Variants in PAX2 observed in about 807,000 individuals in gnomAD.
The protein encoded by PAX2 is paired box 2, also known as paired box protein Pax-2.
Under a neutral mutation model 41.7 loss-of-function variants are expected in PAX2, and 9 were observed. The observed-to-expected ratio is 0.22, with a 90% CI of 0.13 to 0.38. The LOEUF (loss-of-function observed/expected upper bound fraction) is 0.38. PAX2 is among the 10% of genes least tolerant of loss of function. PAX2 has a pLI of 1.00. For missense variants in PAX2, 418 were observed against 531.6 expected (o/e 0.79, Z 2.10); for synonymous variants, 221 against 212.7 (o/e 1.04, Z -0.34).
rs1039787596 is a variant in PAX2, at chr10:100,827,669, A to C, written c.*50A>C. 6.2e-7 allele frequency: 1 copy of C among 1,612,430 alleles called. No individual in the cohort carries two copies. The highest frequency in any genetic ancestry group is 8.5e-7 in the Non-Finnish European group (1 of 1,179,408). ...TCAGGCCGACAGCTTCGGCCTCCAC[A>C]TCGTCCCCGTCTGACCCCACCCCGG... On this transcript the variant is annotated 3_prime_UTR_variant, in exon 10 of 10. Coordinates refer to ENST00000355243, the MANE Select transcript of PAX2 (RefSeq NM_000278.5). The surrounding 1 kb of genome is among the most constrained non-coding windows in gnomAD (Gnocchi z 8.5).
rs930836841 is a variant in PAX2 at position 100,824,784 on chromosome 10, G to T, written c.1021+35G>T. On this transcript the variant is annotated intron_variant, in intron 8 of 9. Transcript: ENST00000355243. This position sits in a 1 kb window ranked among gnomAD's most constrained non-coding sequence, Gnocchi z 6.6. Reference sequence around the variant, plus strand: ...AATGCTGCAGCTGCCTAATCTAGGTGGGGGGAACTAAATTGTGGGTGAGCT... The same window carrying T: ...AATGCTGCAGCTGCCTAATCTAGGTTGGGGGAACTAAATTGTGGGTGAGCT... 1 of 1,524,364 alleles carries T rather than the reference G, an allele frequency of 6.6e-7. No individual in the cohort carries two copies. The highest frequency in any genetic ancestry group is 9.1e-7 in the Non-Finnish European group (1 of 1,098,260). The allele number at this position is 1,524,364 out of a possible 1,614,324, so 94.4% of individuals were successfully genotyped here.
chr10:100,820,617 G>A (rs2133977862), intron 7 of PAX2, among the ~76,000 whole-genome samples: 1 of 152,340 alleles, frequency 6.6e-6, no homozygotes, highest in Admixed American at 6.5e-5. Flanking sequence ...TACAGGCTAA[G>A]GCATGAGAAT....
chr10:100,790,908 C>G (rs935791069), intron 5 of PAX2, among the ~76,000 whole-genome samples: 12 of 152,180 alleles, frequency 7.9e-5, no homozygotes, highest in African/African-American at 2.2e-4. Flanking sequence ...CGAGACAGAT[C>G]ACGAGCCTCA....
chr10:100,779,653 C>T (rs1846534740), intron 4 of PAX2, 70 bp downstream of exon 4: 1 of 1,235,970 alleles, frequency 8.1e-7, no homozygotes, highest in Non-Finnish European at 1.2e-6. Flanking sequence ...CAGCTCCACC[C>T]CTGGGAACTG....
chr10:100,767,599 T>C (rs1282312119), intron 3 of PAX2, among the ~76,000 whole-genome samples: 3 of 152,226 alleles, frequency 2.0e-5, no homozygotes, highest in Admixed American at 6.5e-5. Flanking sequence ...AAAGCCCTCA[T>C]GCTGGGTGTT....
At chr10:100,803,579 A>G (rs1847645492) in intron 5 of PAX2, among the ~76,000 whole-genome samples, 1 of 151,956 alleles carries the variant, frequency 6.6e-6, no homozygotes, top group Non-Finnish European at 1.5e-5. Context: ...CCTGCACCCC[A>G]TAAGTTTCTT....
chr10:100,754,721 C>T (rs1292807673), intron 3 of PAX2, among the ~76,000 whole-genome samples: 1 of 152,160 alleles, frequency 6.6e-6, no homozygotes, highest in Non-Finnish European at 1.5e-5. Flanking sequence ...ATCCTAGCCC[C>T]GTGAATGTTG....
At chr10:100,808,118 A>G (rs1184424538) in intron 6 of PAX2, among the ~76,000 whole-genome samples, 1 of 152,122 alleles carries the variant, frequency 6.6e-6, no homozygotes, top group Non-Finnish European at 1.5e-5. Context: ...AACTCGGAGC[A>G]GGGCCCATAA....
rs1847778459 is a variant in PAX2 at position 100,806,302 on chromosome 10, G to C, written c.617-128G>C. ...TCAGCCCCACTGGCCCAGGGGCTGA[G>C]AGTAAGGGGTCCCATAGGGGTGCAG... On this transcript the variant is annotated intron_variant, in intron 5 of 9. Transcript: ENST00000355243. 4.3e-6 allele frequency: 4 copies of C among 940,684 alleles called. No homozygotes were observed. The South Asian group carries it at 5.3e-5, about 13-fold the overall frequency. The allele number at this position is 940,684 out of a possible 1,614,324, so 58.3% of individuals were successfully genotyped here.
chr10:100,756,418 G>A (rs1043991365), intron 3 of PAX2, among the ~76,000 whole-genome samples: 1 of 152,222 alleles, frequency 6.6e-6, no homozygotes, highest in African/African-American at 2.4e-5. Flanking sequence ...TGGTGTAAAA[G>A]TGACAAGCAT....
chr10:100,822,742 G>A (rs758289322), intron 7 of PAX2, among the ~76,000 whole-genome samples: 47 of 152,168 alleles, frequency 3.1e-4, no homozygotes, highest in South Asian at 6.2e-4. Context: ...TAAGGAAGAA[G>A]AAAAGGTCAT....
Position 100,748,860 on chromosome 10 carries a change from G to C in PAX2, c.44-886G>C, listed in dbSNP as rs2133830710. 1.0e-6 allele frequency: 1 copy of C among 985,066 alleles called. No homozygotes were observed. The highest frequency in any genetic ancestry group is 1.2e-6 in the Non-Finnish European group (1 of 829,942). The allele number at this position is 985,066 out of a possible 1,614,324, so 61.0% of individuals were successfully genotyped here. A position where few individuals can be genotyped will look rare whatever the true frequency, so the allele number is the denominator to read the frequency against. ...GTCGGCTACACAGGGCGCCCCGAGA[G>C]TTATTAACTCGCCAGCGAGGCCTAT... On this transcript the variant is annotated intron_variant, in intron 1 of 9. Coordinates refer to ENST00000355243, the MANE Select transcript of PAX2 (RefSeq NM_000278.5). The surrounding 1 kb of genome is among the most constrained non-coding windows in gnomAD (Gnocchi z 5.0).
intron 5 of PAX2, among the ~76,000 whole-genome samples, chr10:100,784,507 A>T (rs1846769414): frequency 2.6e-5 from 4 of 152,160 alleles, no homozygotes; most frequent in South Asian, 2.1e-4. Flanking sequence ...TCATACCCCA[A>T]GGGCAAGCTG....
chr10:100,790,600 C>G (rs901041967), intron 5 of PAX2, among the ~76,000 whole-genome samples: 7 of 152,246 alleles, frequency 4.6e-5, no homozygotes, highest in African/African-American at 1.7e-4. Flanking sequence ...GAGTTCACCT[C>G]CCTGGGCGCC....
At chr10:100,760,418 G>A (rs11599825) in intron 3 of PAX2, among the ~76,000 whole-genome samples, 23,730 of 152,174 alleles carry the variant, frequency 0.16, 2,368 homozygotes, top group Middle Eastern at 0.32. Context: ...GTCAATGAAC[G>A]GGGGTTCTGA....
chr10:100,823,652 A>T (rs1161377403), intron 7 of PAX2, among the ~76,000 whole-genome samples: 1 of 152,154 alleles, frequency 6.6e-6, no homozygotes, highest in Non-Finnish European at 1.5e-5. Flanking sequence ...TGGAGGGGTT[A>T]AGGGGGTTCC....
intron 5 of PAX2, among the ~76,000 whole-genome samples, chr10:100,799,027 GCAA>G (rs1357682690): frequency 1.4e-4 from 21 of 152,256 alleles, no homozygotes; most frequent in Admixed American, 1.4e-3. Flanking sequence ...GTTTGAAACT[GCAA>G]CAACTGGCAG....
intron 1 of PAX2, among the ~76,000 whole-genome samples, chr10:100,739,710 A>G (rs1844888442): frequency 6.6e-6 from 1 of 152,042 alleles, no homozygotes; most frequent in African/African-American, 2.4e-5. Flanking sequence ...CACCCTCCGC[A>G]GGTCCCACGG....
rs75780080 is a variant in PAX2, at chr10:100,785,355, C to T, written c.616+3990C>T. 9.2e-5 allele frequency among the ~76,000 whole-genome samples: 14 copies of T among 152,302 alleles called. No individual in the cohort carries two copies. In the East Asian group the frequency reaches 2.3e-3, roughly 25 times the overall value. On this transcript the variant is annotated intron_variant, in intron 5 of 9. Coordinates refer to ENST00000355243, the MANE Select transcript of PAX2 (RefSeq NM_000278.5). ...CCAAATGAAGTCATATGGTGAGAAT[C>T]TGCTGGTCTGTGTGAGGGAGGTGTG... is the stretch of plus-strand genomic sequence containing the variant.
Sources: gnomAD v4.1 joint callset for allele counts (sites outside exome capture counted in the v4.1 genomes callset) on GRCh38, gnomAD v4.1.1 for gene constraint, Gnocchi (gnomAD v3.1) non-coding constraint, MANE v1.5 for transcripts, NCBI Gene and HGNC (gene_info 2026-07-23, HGNC 2026-07-21) for gene names.